The following PDCD4 variants were observed in gnomAD, a reference collection of about 807,000 sequenced individuals.
PDCD4 encodes programmed cell death protein 4.
In PDCD4, 56 loss-of-function variants were observed where a neutral mutation model predicts 54.0. That is an observed-to-expected ratio of 1.04 (90% CI 0.84 to 1.30). PDCD4 has a LOEUF of 1.30. Ranked by LOEUF, PDCD4 falls within the 50% of genes most tolerant of loss-of-function variation. PDCD4 has a pLI of 0.00. For synonymous variants in PDCD4, 186 were observed against 194.8 expected (o/e 0.95, Z 0.37); for missense variants, 584 against 559.8 (o/e 1.04, Z -0.44).
chr10:110,886,408 A>C (rs1046474659), intron 5 of PDCD4, among the ~76,000 whole-genome samples: 3 of 152,112 alleles, frequency 2.0e-5, no homozygotes, highest in Non-Finnish European at 4.4e-5. Flanking sequence ...AGGAAAGAGG[A>C]GTATTGTGTT....
intron 5 of PDCD4, among the ~76,000 whole-genome samples, chr10:110,885,963 C>T (rs1845664560): frequency 1.3e-5 from 2 of 152,070 alleles, no homozygotes; most frequent in Admixed American, 1.3e-4. Flanking sequence ...AATTGTAACT[C>T]TTTAGAAGAC....
rs559382734 is a variant in PDCD4 at position 110,893,682 on chromosome 10, G to A, written c.991-409G>A. On this transcript the variant is annotated intron_variant, in intron 8 of 11. Coordinates refer to ENST00000280154, the MANE Select transcript of PDCD4 (RefSeq NM_014456.5). The stretch of plus-strand genomic sequence containing the variant: ...CATCTCTCATTTTTTGGCTCTCAGT[G>A]CACTATTAAGAGCGTCTTGATAGAA... 3.3e-5 allele frequency among the ~76,000 whole-genome samples: 5 copies of A among 152,138 alleles called. No homozygotes were observed. The South Asian group carries it at 1.0e-3, about 32-fold the overall frequency.
chr10:110,889,642 A>G lies in PDCD4; in HGVS notation c.875+12A>G, dbSNP rs1165884607. On this transcript the variant is annotated intron_variant, in intron 7 of 11. Coordinates refer to ENST00000280154, the MANE Select transcript of PDCD4 (RefSeq NM_014456.5). Reference sequence around the variant, plus strand: ...TGTGTGCAGGCTAGGTAAGTAAATCACTTTTCCTACTTAGAATTTCAAAAT... The same window carrying G: ...TGTGTGCAGGCTAGGTAAGTAAATCGCTTTTCCTACTTAGAATTTCAAAAT... 4.2e-6 allele frequency: 6 copies of G among 1,418,416 alleles called. No individual in the cohort carries two copies. Among genetic ancestry groups the G allele is most frequent in the Non-Finnish European group, 5.9e-6 (6 of 1,014,692 alleles). The allele number at this position is 1,418,416 out of a possible 1,614,324, so 87.9% of individuals were successfully genotyped here. A position where few individuals can be genotyped will look rare whatever the true frequency, so the allele number is the denominator to read the frequency against.
At position 110,883,081 on chromosome 10, in the gene PDCD4, A is replaced by G; in HGVS notation, c.425A>G (p.Asn142Ser). 6.3e-7 allele frequency: 1 copy of G among 1,584,490 alleles called. No individual in the cohort carries two copies. The highest frequency in any genetic ancestry group is 8.6e-7 in the Non-Finnish European group (1 of 1,166,134). ...GAGGAGGTGGATGTGAAAGATCCTA[A>G]CTATGATGATGACCAGGTATCAGTG... Reference protein sequence around the residue: ...DVEEVDVKDPNYDDDQENCVY... With the variant: ...DVEEVDVKDPSYDDDQENCVY... Residue 142 changes from asparagine (N) to serine (S), a missense_variant, in exon 4 of 12, where the codon AAC (asparagine) becomes AGC (serine). Asn to Ser is a conservative substitution (Grantham distance 46). Transcript: ENST00000280154.
chr10:110,894,228 T>G (rs779059586), intron 9 of PDCD4, 30 bp downstream of exon 9: 1 of 1,240,950 alleles, frequency 8.1e-7, no homozygotes, highest in Admixed American at 1.7e-5. Flanking sequence ...TCAAAGATAA[T>G]TATTAAGTGT....
At chr10:110,888,294 G>A (rs1259893348) in intron 6 of PDCD4, among the ~76,000 whole-genome samples, 1 of 152,076 alleles carries the variant, frequency 6.6e-6, no homozygotes, top group Non-Finnish European at 1.5e-5. Flanking sequence ...TTGAAAATGT[G>A]AAATTGTTGC....
At chr10:110,882,742 T>A (rs764930284) in intron 3 of PDCD4, among the ~76,000 whole-genome samples, 2 of 152,206 alleles carry the variant, frequency 1.3e-5, no homozygotes, top group South Asian at 2.1e-4. Flanking sequence ...GCTATTTTTT[T>A]ATCTTTATTT....
rs769932730 is a variant in PDCD4, at chr10:110,881,484, T to C, written c.295T>C (p.Leu99=). ...LTVPTSPKGR[L]LDRRSRSGKG... is the part of the protein sequence containing the mutation. ...TGTGCCAACCAGTCCAAAGGGAAGG[T>C]TGCTGGATAGGCGATCCAGATCTGG... Residue 99 remains leucine (L), a synonymous_variant, in exon 3 of 12, where the codon TTG becomes CTG. Coordinates refer to ENST00000280154, the MANE Select transcript of PDCD4 (RefSeq NM_014456.5). The C allele has an allele frequency of 1.2e-6, 2 of 1,613,932 alleles. No individual in the cohort carries two copies. The highest frequency in any genetic ancestry group is 8.5e-7 in the Non-Finnish European group (1 of 1,179,878).
At chr10:110,873,481 A>C (rs1845453794) in intron 1 of PDCD4, among the ~76,000 whole-genome samples, 1 of 152,206 alleles carries the variant, frequency 6.6e-6, no homozygotes, top group Non-Finnish European at 1.5e-5. Flanking sequence ...CTCTTAGGGA[A>C]TGTCTTGGCA....
intron 7 of PDCD4, 106 bp downstream of exon 7, chr10:110,889,736 G>A: frequency 4.3e-6 from 3 of 702,090 alleles, no homozygotes; most frequent in South Asian, 3.3e-5. Context: ...ACATCTGTTT[G>A]TCACTTCTCT....
chr10:110,877,391 C>T (rs931690922), intron 2 of PDCD4, among the ~76,000 whole-genome samples: 12 of 152,126 alleles, frequency 7.9e-5, no homozygotes, highest in Non-Finnish European at 1.3e-4. Context: ...TTGTTGAGTA[C>T]TTGAAATGTG....
At chr10:110,897,330 T>G (rs1845854270) in intron 11 of PDCD4, among the ~76,000 whole-genome samples, 1 of 152,194 alleles carries the variant, frequency 6.6e-6, no homozygotes, top group South Asian at 2.1e-4. Context: ...TGCACATTTG[T>G]GTGTGGTTTT....
rs973935747 is a variant in PDCD4, at chr10:110,899,380, C to T, written c.*1292C>T. ...TATTACCTCAGCTTATATATAGTTA[C>T]CATTTTTAGGTTTTTAATTGTTTGA... On this transcript the variant is annotated 3_prime_UTR_variant, in exon 12 of 12. Coordinates refer to ENST00000280154, the MANE Select transcript of PDCD4 (RefSeq NM_014456.5). The T allele has an allele frequency of 1.3e-5, 2 of 152,126 alleles. No homozygotes were observed. Among genetic ancestry groups the T allele is most frequent in the African/African-American group, 4.8e-5 (2 of 41,426 alleles). The allele number at this position is 152,126 out of a possible 1,614,324, so 9.4% of individuals were successfully genotyped here. A position where few individuals can be genotyped will look rare whatever the true frequency, so the allele number is the denominator to read the frequency against.
chr10:110,895,790 A>G (rs1423811214), intron 10 of PDCD4, among the ~76,000 whole-genome samples, 158 bp from the exon 11 acceptor site: 1 of 152,214 alleles, frequency 6.6e-6, no homozygotes, highest in Non-Finnish European at 1.5e-5. Flanking sequence ...CACTGTAACA[A>G]ATCTACTTTC....
At chr10:110,873,704 CCTA>C (rs1845458564) in intron 1 of PDCD4, among the ~76,000 whole-genome samples, 2 of 152,176 alleles carry the variant, frequency 1.3e-5, no homozygotes, top group South Asian at 4.1e-4. Flanking sequence ...TGGAAAAAAT[CCTA>C]CTACTTTAAA....
intron 2 of PDCD4, among the ~76,000 whole-genome samples, chr10:110,878,179 T>TC (rs528528710): frequency 7.9e-5 from 12 of 152,338 alleles, no homozygotes; most frequent in Admixed American, 7.8e-4. Flanking sequence ...GTTATGGAAC[T>TC]CCAACAGTTA....
intron 10 of PDCD4, among the ~76,000 whole-genome samples, chr10:110,895,630 GTTGAGTTCT>G (rs1242714319): frequency 2.6e-5 from 4 of 152,108 alleles, no homozygotes; most frequent in African/African-American, 9.7e-5. Context: ...GTAATTCTAT[GTTGAGTTCT>G]TTGAGAAATC....
At chr10:110,882,668 A>G (rs1478365000) in intron 3 of PDCD4, among the ~76,000 whole-genome samples, 1 of 152,190 alleles carries the variant, frequency 6.6e-6, no homozygotes, top group Admixed American at 6.5e-5. Context: ...CTTAGTCTCA[A>G]AGAAATGTCG....
At chr10:110,888,972 G>A (rs1167636435) in intron 6 of PDCD4, among the ~76,000 whole-genome samples, 1 of 151,232 alleles carries the variant, frequency 6.6e-6, no homozygotes, top group Admixed American at 6.6e-5. Context: ...TAAATCATTC[G>A]TTTAACCCCA....
Sources: gnomAD v4.1 joint callset for allele counts (sites outside exome capture counted in the v4.1 genomes callset) on GRCh38, gnomAD v4.1.1 for gene constraint, MANE v1.5 for transcripts, NCBI Gene and HGNC (gene_info 2026-07-23, HGNC 2026-07-21) for gene names.